Variants in PPP4R2 observed in about 807,000 individuals in gnomAD.
PPP4R2 encodes protein phosphatase 4 regulatory subunit 2, also known as serine/threonine-protein phosphatase 4 regulatory subunit 2.
PPP4R2 carries 13 observed loss-of-function variants against 47.2 expected under a neutral mutation model. That is an observed-to-expected ratio of 0.28 (90% CI 0.18 to 0.44). The LOEUF (loss-of-function observed/expected upper bound fraction) is 0.44, where lower values mean the gene tolerates loss of function less well. PPP4R2 is among the 20% of genes least tolerant of loss of function. PPP4R2 has a pLI of 1.00. For synonymous variants in PPP4R2, 151 were observed against 163.3 expected (o/e 0.92, Z 0.57); for missense variants, 421 against 491.2 (o/e 0.86, Z 1.35).
chr3:73,002,195 C>T (rs1701480873), intron 2 of PPP4R2, among the ~76,000 whole-genome samples: 1 of 152,128 alleles, frequency 6.6e-6, no homozygotes, highest in South Asian at 2.1e-4. Context: ...TTTTTTATTG[C>T]TGAATAATAT....
chr3:73,017,873 G>A (rs991227899), intron 2 of PPP4R2, among the ~76,000 whole-genome samples: 3 of 151,866 alleles, frequency 2.0e-5, no homozygotes, highest in African/African-American at 7.2e-5. Flanking sequence ...GATTACAGGC[G>A]ACCACCACCA....
At chr3:72,997,289 G>A (rs1701368122) in intron 1 of PPP4R2, 3 of 407,482 alleles carry the variant, frequency 7.4e-6, no homozygotes, top group East Asian at 3.6e-5. Flanking sequence ...CGTCTGGGCT[G>A]GGGGAGGGGA....
At chr3:73,002,634 C>CTTTTTTCTTTTTT (rs1701498300) in intron 2 of PPP4R2, among the ~76,000 whole-genome samples, 1 of 41,166 alleles carries the variant, frequency 2.4e-5, no homozygotes, top group African/African-American at 1.2e-4. Context: ...CTTTTCTTTT[C>CTTTTTTCTTTTTT]TTTTTTTTTT....
In PPP4R2 at chr3:72,996,932, A is replaced by G. The variant is rs1410589749; in HGVS notation, c.-106A>G. 1.0e-5 allele frequency: 8 copies of G among 766,694 alleles called. No homozygotes were observed. The highest frequency in any genetic ancestry group is 4.5e-5 in the Admixed American group (1 of 22,424). The allele number at this position is 766,694 out of a possible 1,614,324, so 47.5% of individuals were successfully genotyped here. On this transcript the variant is annotated 5_prime_UTR_variant, in exon 1 of 9. Transcript: ENST00000356692. ...CCCCCCCCGGTCGCCTGCGTGCCGG[A>G]GTGTGTGCGAGGGAGGGGGAGGGCG... is the stretch of plus-strand genomic sequence containing the variant.
chr3:73,018,546 C>T (rs568240339), intron 2 of PPP4R2, among the ~76,000 whole-genome samples: 6 of 131,874 alleles, frequency 4.5e-5, no homozygotes, highest in South Asian at 2.3e-4. Context: ...CTCAACCACC[C>T]GGGCACAAGC....
chr3:73,005,514 T>C (rs1410796898), intron 2 of PPP4R2, among the ~76,000 whole-genome samples: 11 of 152,102 alleles, frequency 7.2e-5, no homozygotes, highest in South Asian at 2.1e-4. Flanking sequence ...TCAGTACTTA[T>C]CATTTTGTCT....
chr3:73,004,036 G>T (rs984933294), intron 2 of PPP4R2, among the ~76,000 whole-genome samples: 1 of 152,002 alleles, frequency 6.6e-6, no homozygotes, highest in African/African-American at 2.4e-5. Context: ...GGGTTTCATC[G>T]TGTTGGCCAG....
chr3:73,049,666 A>T (rs1702569355), intron 3 of PPP4R2, among the ~76,000 whole-genome samples: 1 of 151,902 alleles, frequency 6.6e-6, no homozygotes, highest in African/African-American at 2.4e-5. Flanking sequence ...AAGCATATTT[A>T]CTTGTTATTC....
intron 2 of PPP4R2, among the ~76,000 whole-genome samples, chr3:73,026,312 G>A (rs1017031717): frequency 2.0e-5 from 3 of 152,126 alleles, no homozygotes; most frequent in African/African-American, 7.2e-5. Flanking sequence ...CTGGAACAAA[G>A]ACCTTACTTT....
At chr3:73,035,390 A>G (rs1469973801) in intron 2 of PPP4R2, among the ~76,000 whole-genome samples, 1 of 152,072 alleles carries the variant, frequency 6.6e-6, no homozygotes, top group African/African-American at 2.4e-5. Context: ...ACAGAGTGAG[A>G]CCCTGTCTAA....
intron 1 of PPP4R2, 143 bp from the exon 2 acceptor site, chr3:72,997,934 G>A: frequency 1.5e-6 from 1 of 663,896 alleles, no homozygotes; most frequent in Non-Finnish European, 2.7e-6. Flanking sequence ...TTGGAGGATT[G>A]AGGTGGTAAT....
At position 73,064,087 on chromosome 3, in the gene PPP4R2, G is replaced by A; in HGVS notation, c.579G>A (p.Leu193=). 3 of 1,613,710 alleles carry A rather than the reference G, an allele frequency of 1.9e-6. No individual in the cohort carries two copies. The highest frequency in any genetic ancestry group is 2.5e-6 in the Non-Finnish European group (3 of 1,179,782). Reference sequence around the variant, plus strand: ...CAGCCCCCATGACAACAAATGGGTTGCCTGAGAGCACAGACAGCAAAGAGG... The same window carrying A: ...CAGCCCCCATGACAACAAATGGGTTACCTGAGAGCACAGACAGCAAAGAGG... ...SLSAPMTTNG[L]PESTDSKEAN... is the part of the protein sequence containing the mutation. Residue 193 remains leucine (L), a synonymous_variant, in exon 7 of 9, where the codon TTG becomes TTA. Coordinates refer to ENST00000356692, the MANE Select transcript of PPP4R2 (RefSeq NM_174907.4).
chr3:73,041,646 A>G (rs1702382069), intron 2 of PPP4R2, among the ~76,000 whole-genome samples: 1 of 152,212 alleles, frequency 6.6e-6, no homozygotes, highest in African/African-American at 2.4e-5. Context: ...TGGAGTAGCT[A>G]ATAGTAGTAG....
intron 2 of PPP4R2, among the ~76,000 whole-genome samples, chr3:73,019,967 C>T (rs1288410225): frequency 6.6e-6 from 1 of 152,174 alleles, no homozygotes; most frequent in East Asian, 1.9e-4. Context: ...TAGGCTTCTT[C>T]TAGAGGGCAT....
chr3:73,000,630 A>C (rs904636098), intron 2 of PPP4R2, among the ~76,000 whole-genome samples: 14 of 152,198 alleles, frequency 9.2e-5, no homozygotes, highest in African/African-American at 3.4e-4. Flanking sequence ...TAAACATCTG[A>C]TGTAGGAAGT....
At chr3:73,007,993 G>A (rs1165902324) in intron 2 of PPP4R2, among the ~76,000 whole-genome samples, 1 of 151,264 alleles carries the variant, frequency 6.6e-6, no homozygotes, top group Non-Finnish European at 1.5e-5. Flanking sequence ...TTTTTAAGTG[G>A]AAAGACTATT....
intron 2 of PPP4R2, among the ~76,000 whole-genome samples, chr3:73,046,823 T>C (rs935528293): frequency 1.3e-5 from 2 of 152,244 alleles, no homozygotes; most frequent in Non-Finnish European, 2.9e-5. Context: ...TCTGACTTAA[T>C]AGGATAGTGT....
rs939639500 is a variant in PPP4R2 at position 73,022,775 on chromosome 3, T to C, written c.117-24411T>C. On this transcript the variant is annotated intron_variant, in intron 2 of 8. Coordinates refer to ENST00000356692, the MANE Select transcript of PPP4R2 (RefSeq NM_174907.4). ...TTGCAGCTTGCCGCATTTCTTTTTT[T>C]TTTTTTTTTTTAAACAATGCAGTCT... 3.7e-4 allele frequency among the ~76,000 whole-genome samples: 56 copies of C among 152,028 alleles called. 1 individual carries two copies. Among genetic ancestry groups the C allele is most frequent in the East Asian group, 3.7e-3 (19 of 5,180 alleles).
chr3:73,058,938 A>T (rs1034125651), intron 3 of PPP4R2, 99 bp from the exon 4 acceptor site: 2 of 683,306 alleles, frequency 2.9e-6, no homozygotes, highest in Admixed American at 6.5e-5. Flanking sequence ...AGCTTAATAC[A>T]TGGGTGACTA....
Sources: allele counts gnomAD v4.1 joint callset (sites outside exome capture counted in the v4.1 genomes callset), GRCh38; gene constraint gnomAD v4.1.1; transcripts MANE v1.5; gene names NCBI Gene and HGNC (gene_info 2026-07-23, HGNC 2026-07-21).